CACNB2: variants seen among roughly 807,000 people sequenced by gnomAD.
The protein encoded by CACNB2 is voltage-dependent L-type calcium channel subunit beta-2.
In CACNB2, 42 loss-of-function variants were observed where a neutral mutation model predicts 73.3. That is an observed-to-expected ratio of 0.57 (90% CI 0.45 to 0.74). The LOEUF is 0.74. Among genes scored for constraint, CACNB2 ranks in the 30% least tolerant of loss-of-function variants. CACNB2 has a pLI of 0.00. For missense variants in CACNB2, 940 were observed against 853.0 expected (o/e 1.10, Z -1.27); for synonymous variants, 348 against 310.3 (o/e 1.12, Z -1.28).
At chr10:18,271,340 G>A (rs1355247814) in intron 2 of CACNB2, among the ~76,000 whole-genome samples, 1 of 152,166 alleles carries the variant, frequency 6.6e-6, no homozygotes, top group Non-Finnish European at 1.5e-5. Context: ...GAAGTGCAGA[G>A]GAGATCTAAG....
intron 2 of CACNB2, among the ~76,000 whole-genome samples, chr10:18,249,976 C>T (rs146665117): frequency 7.2e-5 from 11 of 152,190 alleles, no homozygotes; most frequent in East Asian, 3.9e-4. Flanking sequence ...CCATCTCCCC[C>T]CTTCCAGCTT....
intron 2 of CACNB2, among the ~76,000 whole-genome samples, chr10:18,346,222 G>A (rs987757350): frequency 4.6e-5 from 7 of 151,456 alleles, no homozygotes; most frequent in African/African-American, 1.7e-4. Flanking sequence ...TCACTGCAAC[G>A]TCTGCCTCCC....
intron 2 of CACNB2, among the ~76,000 whole-genome samples, chr10:18,187,491 A>G (rs2034205846): frequency 6.6e-6 from 1 of 152,192 alleles, no homozygotes; most frequent in Non-Finnish European, 1.5e-5. Flanking sequence ...ATTTACGGCA[A>G]TATTTTAAAA....
At position 18,539,883 on chromosome 10, in the gene CACNB2, A is replaced by T; in HGVS notation, c.*159A>T. 1 of 775,946 alleles carries T rather than the reference A, an allele frequency of 1.3e-6. No homozygotes were observed. Among genetic ancestry groups the T allele is most frequent in the Non-Finnish European group, 2.0e-6 (1 of 498,128 alleles). 48.1% of individuals were successfully genotyped at this position (775,946 alleles called of 1,614,324 possible). A position where few individuals can be genotyped will look rare whatever the true frequency, so the allele number is the denominator to read the frequency against. ...TTGCTTGAATAGCAATAGCATGGAT[A>T]GAGTATTGAGATACTTTTTCTTTTG... is the stretch of plus-strand genomic sequence containing the variant. On this transcript the variant is annotated 3_prime_UTR_variant, in exon 14 of 14. Transcript: ENST00000324631.
chr10:18,542,498 G>C lies in CACNB2; in HGVS notation c.*2774G>C, dbSNP rs2054109913. On this transcript the variant is annotated 3_prime_UTR_variant, in exon 14 of 14. Coordinates refer to ENST00000324631, the MANE Select transcript of CACNB2 (RefSeq NM_201596.3). Reference sequence around the variant, plus strand: ...TATTTAAATTCTTGAAACATAGCTAGTATTTATCTTACTTGCTGCTATCAT... The same window carrying C: ...TATTTAAATTCTTGAAACATAGCTACTATTTATCTTACTTGCTGCTATCAT... The C allele has an allele frequency of 6.6e-6, 1 of 152,170 alleles. No individual in the cohort carries two copies. The highest frequency in any genetic ancestry group is 2.4e-5 in the African/African-American group (1 of 41,460). The allele number at this position is 152,170 out of a possible 1,614,324, so 9.4% of individuals were successfully genotyped here.
intron 3 of CACNB2, among the ~76,000 whole-genome samples, chr10:18,478,609 G>A (rs761847889): frequency 4.6e-5 from 7 of 152,154 alleles, no homozygotes; most frequent in Non-Finnish European, 7.3e-5. Flanking sequence ...GCATGCAAAT[G>A]TATTTAACAT....
chr10:18,467,573 G>T (rs997075458), intron 3 of CACNB2, among the ~76,000 whole-genome samples: 2 of 152,226 alleles, frequency 1.3e-5, no homozygotes, highest in South Asian at 4.1e-4. Flanking sequence ...TAACATACGC[G>T]TTAATTGCTG....
At chr10:18,493,796 A>G (rs1334027200) in intron 3 of CACNB2, among the ~76,000 whole-genome samples, 2 of 152,158 alleles carry the variant, frequency 1.3e-5, no homozygotes, top group Admixed American at 6.6e-5. Context: ...CACATTGTAG[A>G]CACACTGCAA....
intron 2 of CACNB2, among the ~76,000 whole-genome samples, chr10:18,200,273 T>C (rs1276029594): frequency 1.5e-5 from 2 of 136,448 alleles, no homozygotes; most frequent in Non-Finnish European, 3.0e-5. Flanking sequence ...AAAAAAAAAG[T>C]TTTTTTGTGT....
At chr10:18,275,805 T>C (rs1047196824) in intron 2 of CACNB2, among the ~76,000 whole-genome samples, 5 of 152,214 alleles carry the variant, frequency 3.3e-5, no homozygotes, top group Non-Finnish European at 4.4e-5. Flanking sequence ...ACACAATCAA[T>C]GTTTTATTAA....
intron 3 of CACNB2, among the ~76,000 whole-genome samples, chr10:18,488,214 G>A (rs1373613229): frequency 4.6e-5 from 7 of 151,704 alleles, no homozygotes; most frequent in Non-Finnish European, 8.8e-5. Context: ...TGTGGCTGAC[G>A]CCTGTAATCC....
intron 2 of CACNB2, among the ~76,000 whole-genome samples, chr10:18,276,939 C>G (rs2038318460): frequency 6.6e-6 from 1 of 152,092 alleles, no homozygotes; most frequent in Non-Finnish European, 1.5e-5. Flanking sequence ...TAACGAAACC[C>G]CCATCTCCAC....
chr10:18,518,388 T>C lies in CACNB2; in HGVS notation c.857T>C (p.Leu286Pro). 2.5e-6 allele frequency: 4 copies of C among 1,613,250 alleles called. No individual in the cohort carries two copies. The highest frequency in any genetic ancestry group is 3.4e-6 in the Non-Finnish European group (4 of 1,179,210). Reference protein sequence around the residue: ...DVVPSMRPVVLVGPSLKGYEV... With the variant: ...DVVPSMRPVVPVGPSLKGYEV... ...GTACCTTCCATGCGACCAGTGGTCC[T>C]AGTGGGCCCTTCTCTGAAGGGCTAC... Residue 286 changes from leucine (L) to proline (P), a missense_variant, in exon 8 of 14, where the codon CTA (leucine) becomes CCA (proline). Leu to Pro is a moderately conservative substitution (Grantham distance 98). Transcript: ENST00000324631.
intron 3 of CACNB2, among the ~76,000 whole-genome samples, chr10:18,489,186 TCC>T (rs2049258401): frequency 6.6e-6 from 1 of 151,922 alleles, no homozygotes; most frequent in African/African-American, 2.4e-5. Context: ...GCCACTGCAC[TCC>T]AGCCTGGGTG....
intron 1 of CACNB2, among the ~76,000 whole-genome samples, chr10:18,149,298 G>C (rs1032694141): frequency 6.6e-6 from 1 of 152,286 alleles, no homozygotes; most frequent in Non-Finnish European, 1.5e-5. Flanking sequence ...GTGGTTAAAA[G>C]AATGTTATTT....
At chr10:18,286,474 C>T (rs1033778328) in intron 2 of CACNB2, among the ~76,000 whole-genome samples, 7 of 131,568 alleles carry the variant, frequency 5.3e-5, no homozygotes, top group African/African-American at 1.4e-4. Context: ...GCCGAGATAG[C>T]GCCACTGCAC....
intron 2 of CACNB2, among the ~76,000 whole-genome samples, chr10:18,233,471 C>T (rs995285359): frequency 1.3e-5 from 2 of 151,668 alleles, no homozygotes; most frequent in Admixed American, 6.6e-5. Context: ...CTCTATTGCT[C>T]TGCTAGCTAG....
chr10:18,172,208 C>CA (rs1441155003), intron 2 of CACNB2, among the ~76,000 whole-genome samples: 1 of 152,020 alleles, frequency 6.6e-6, no homozygotes, highest in Non-Finnish European at 1.5e-5. Context: ...ACTGAAAATA[C>CA]AAAAAATTAG....
intron 2 of CACNB2, among the ~76,000 whole-genome samples, chr10:18,374,779 C>T (rs1427936802): frequency 6.6e-6 from 1 of 152,100 alleles, no homozygotes; most frequent in Admixed American, 6.6e-5. Flanking sequence ...ACCCACTGTC[C>T]TTAATGTGTT....
Sources: allele counts gnomAD v4.1 joint callset (sites outside exome capture counted in the v4.1 genomes callset), GRCh38; gene constraint gnomAD v4.1.1; transcripts MANE v1.5; gene names NCBI Gene and HGNC (gene_info 2026-07-23, HGNC 2026-07-21).